Variants in PIK3C2B observed in about 807,000 individuals in gnomAD.
PIK3C2B encodes phosphatidylinositol 4-phosphate 3-kinase C2 domain-containing subunit beta.
PIK3C2B carries 83 observed loss-of-function variants against 184.3 expected under a neutral mutation model. The ratio of observed to expected loss-of-function variants is 0.45; its 90% confidence interval spans 0.38 to 0.54. The LOEUF (loss-of-function observed/expected upper bound fraction) is 0.54. Among genes scored for constraint, PIK3C2B ranks in the 20% least tolerant of loss-of-function variants. PIK3C2B has a pLI of 0.00. For missense variants in PIK3C2B, 1,736 were observed against 2,113.5 expected (o/e 0.82, Z 3.50); for synonymous variants, 779 against 837.6 (o/e 0.93, Z 1.21).
At chr1:204,452,541 G>A (rs1654462823) in intron 12 of PIK3C2B, among the ~76,000 whole-genome samples, 1 of 151,590 alleles carries the variant, frequency 6.6e-6, no homozygotes, top group Non-Finnish European at 1.5e-5. Context: ...AAAATCCCAA[G>A]GGAATGGTGG....
At chr1:204,450,585 T>C (rs577518404) in intron 12 of PIK3C2B, among the ~76,000 whole-genome samples, 2 of 152,140 alleles carry the variant, frequency 1.3e-5, no homozygotes, top group Non-Finnish European at 2.9e-5. Flanking sequence ...ACTGGGTTTT[T>C]CTCACCCCCA....
intron 31 of PIK3C2B, 56 bp downstream of exon 31, chr1:204,427,592 A>C: frequency 8.2e-7 from 1 of 1,212,864 alleles, no homozygotes; most frequent in Admixed American, 1.7e-5. Context: ...CTGCCCAAAA[A>C]AGTAGCTAAA....
In PIK3C2B at chr1:204,424,924, C is replaced by A. The variant is rs1674666952; in HGVS notation, c.4833G>T (p.Leu1611=). ...TCTCCTGAGCCAGGTCCAGCTCTCGCAGGCGGATGTTCACCTCACCGAGGA... is the reference window on the plus strand; with the variant it reads ...TCTCCTGAGCCAGGTCCAGCTCTCGAAGGCGGATGTTCACCTCACCGAGGA... The part of the protein sequence containing the change: ...NVLLGEVNIR[L]RELDLAQEKT... Residue 1611 remains leucine (L), a synonymous_variant, in exon 33 of 33, where the codon CTG becomes CTT. Coordinates refer to ENST00000684373, the MANE Select transcript of PIK3C2B (RefSeq NM_001377334.1). 1 of 1,614,120 alleles carries A rather than the reference C, an allele frequency of 6.2e-7. No individual in the cohort carries two copies. The highest frequency in any genetic ancestry group is 8.5e-7 in the Non-Finnish European group (1 of 1,180,052).
At chr1:204,473,730 T>C (rs1656479919) in intron 1 of PIK3C2B, among the ~76,000 whole-genome samples, 1 of 152,226 alleles carries the variant, frequency 6.6e-6, no homozygotes. Context: ...AACACCCACT[T>C]ATGCATACTT....
intron 21 of PIK3C2B, 73 bp from the exon 22 acceptor site, chr1:204,440,394 A>C (rs1366530030): frequency 6.8e-7 from 1 of 1,470,518 alleles, no homozygotes; most frequent in Non-Finnish European, 9.1e-7. Flanking sequence ...CAAGTGCTCA[A>C]CCTTGGCCCT....
chr1:204,447,689 C>G lies in PIK3C2B; in HGVS notation c.2347-111G>C. On this transcript the variant is annotated intron_variant, in intron 14 of 32. Coordinates refer to ENST00000684373, the MANE Select transcript of PIK3C2B (RefSeq NM_001377334.1). This position sits in a 1 kb window ranked among gnomAD's most constrained non-coding sequence, Gnocchi z 4.1. ...GCCTTGTCCCTCCCTCACTTTCCCT[C>G]AGGTTCTTTGTAAAATAGCCCTGTT... The G allele has an allele frequency of 1.4e-6, 1 of 734,954 alleles. No individual in the cohort carries two copies. The highest frequency in any genetic ancestry group is 1.7e-5 in the South Asian group (1 of 58,298). The allele number at this position is 734,954 out of a possible 1,614,324, so 45.5% of individuals were successfully genotyped here.
rs896902779 is a variant in PIK3C2B, at chr1:204,468,513, C to T, written c.933+357G>A. Among the ~76,000 whole-genome samples, 6 of 152,196 alleles carry T rather than the reference C, an allele frequency of 3.9e-5. 1 individual carries two copies. The South Asian group carries it at 6.2e-4, about 16-fold the overall frequency. ...CAGAGCAAGCGGAAGCAACTTGCTCCGGTCCAGAGGGCCATTCAGCCAGTC... is the reference window on the plus strand; with the variant it reads ...CAGAGCAAGCGGAAGCAACTTGCTCTGGTCCAGAGGGCCATTCAGCCAGTC... On this transcript the variant is annotated intron_variant, in intron 2 of 32. Transcript: ENST00000684373.
In PIK3C2B at chr1:204,458,011, T is replaced by C. The variant is rs61762596; in HGVS notation, c.1567-137A>G. On this transcript the variant is annotated intron_variant, in intron 8 of 32. Coordinates refer to ENST00000684373, the MANE Select transcript of PIK3C2B (RefSeq NM_001377334.1). The stretch of plus-strand genomic sequence containing the variant: ...ATGATCCTCAGGGGTAAATGTGCAA[T>C]ACATTTTATTTTCAAATATTCATCA... 2.2e-3 allele frequency: 1,532 copies of C among 693,450 alleles called. 17 individuals are homozygous for C. In the African/African-American group the frequency reaches 0.025, roughly 11 times the overall value. The allele number at this position is 693,450 out of a possible 1,614,324, so 43.0% of individuals were successfully genotyped here. A position where few individuals can be genotyped will look rare whatever the true frequency, so the allele number is the denominator to read the frequency against.
At position 204,485,809 on chromosome 1, in the gene PIK3C2B, G is replaced by A. The variant is rs572550333; in HGVS notation, c.-85+8547C>T. 3.3e-5 allele frequency among the ~76,000 whole-genome samples: 5 copies of A among 151,988 alleles called. No homozygotes were observed. The South Asian group carries it at 1.0e-3, about 32-fold the overall frequency. On this transcript the variant is annotated intron_variant, in intron 1 of 32. Transcript: ENST00000684373. ...GCCTAGGCTGATTGCAAACTCAAGCGATCTGCCTGCCCCGGCCTCCCAAAG... is the reference window on the plus strand; with the variant it reads ...GCCTAGGCTGATTGCAAACTCAAGCAATCTGCCTGCCCCGGCCTCCCAAAG...
At chr1:204,454,499 A>G in intron 12 of PIK3C2B, 170 bp downstream of exon 12, 1 of 597,938 alleles carries the variant, frequency 1.7e-6, no homozygotes. Context: ...AAAAAAAAAA[A>G]AGAGTCAGGG....
intron 5 of PIK3C2B, among the ~76,000 whole-genome samples, chr1:204,462,496 A>G (rs1655418015): frequency 6.6e-6 from 1 of 152,200 alleles, no homozygotes; most frequent in African/African-American, 2.4e-5. Flanking sequence ...CGTCAGCAGG[A>G]GCTCCAACTT....
intron 12 of PIK3C2B, among the ~76,000 whole-genome samples, chr1:204,450,452 C>A (rs1012440805): frequency 6.6e-6 from 1 of 152,098 alleles, no homozygotes. Context: ...ATCCCTCCCC[C>A]ACTTCTTGCT....
At chr1:204,442,760 C>T in intron 19 of PIK3C2B, 127 bp from the exon 20 acceptor site, 1 of 630,680 alleles carries the variant, frequency 1.6e-6, no homozygotes. Context: ...GTGTGGACAC[C>T]CTCCAGAAGA....
In PIK3C2B at chr1:204,442,606, C is replaced by T. The variant is rs114687015; in HGVS notation, c.3076G>A (p.Val1026Met). ...CCATTGAGGGCAAAGAACTGCTTCA[C>T]CTCCTCCAGGCCCGTGCGGAGGATT... ...QGILRTGLEE[V>M]KQFFALNGSC... is the part of the protein sequence containing the mutation. The change falls in exon 20 of 33, where the codon GTG becomes ATG. Residue 1026 changes from valine to methionine, a missense_variant. Coordinates refer to ENST00000684373, the MANE Select transcript of PIK3C2B (RefSeq NM_001377334.1). 1.8e-4 allele frequency: 279 copies of T among 1,554,054 alleles called. No homozygotes were observed. The African/African-American group carries it at 3.6e-3, about 20-fold the overall frequency.
At chr1:204,465,398 C>A in intron 2 of PIK3C2B, 79 bp from the exon 3 acceptor site, 1 of 840,044 alleles carries the variant, frequency 1.2e-6, no homozygotes, top group South Asian at 1.4e-5. Context: ...GACCTAAACT[C>A]AAACTCTAGA....
chr1:204,493,719 A>G (rs1658168282), intron 1 of PIK3C2B, among the ~76,000 whole-genome samples: 1 of 152,070 alleles, frequency 6.6e-6, no homozygotes, highest in South Asian at 2.1e-4. Context: ...CTCCAACATC[A>G]AAGTCACCGC....
At position 204,464,553 on chromosome 1, in the gene PIK3C2B, C is replaced by T; in HGVS notation, c.1086G>A (p.Trp362Ter). The part of the protein sequence containing the change: ...IQDYFLTGYV[W>*]SAVTPSPEHL... ...GCTCTGGGCTAGGGGTGACAGCACT[C>T]CAGACATAGCCAGTGAGGAAGTAGT... The change falls in exon 4 of 33, where the codon TGG becomes TGA. Residue 362 changes from tryptophan (W) to a stop codon, truncating the protein, a stop_gained. Coordinates refer to ENST00000684373, the MANE Select transcript of PIK3C2B (RefSeq NM_001377334.1). LOFTEE classifies it high-confidence loss of function. 1 of 1,614,068 alleles carries T rather than the reference C, an allele frequency of 6.2e-7. No homozygotes were observed. The highest frequency in any genetic ancestry group is 8.5e-7 in the Non-Finnish European group (1 of 1,179,942).
intron 5 of PIK3C2B, among the ~76,000 whole-genome samples, chr1:204,461,006 G>A (rs1307830775): frequency 6.6e-6 from 1 of 152,154 alleles, no homozygotes; most frequent in Non-Finnish European, 1.5e-5. Context: ...AGCAGTTGCT[G>A]AAGCCCTATC....
intron 29 of PIK3C2B, 26 bp downstream of exon 29, chr1:204,429,895 C>G (rs757052692): frequency 6.9e-7 from 1 of 1,446,394 alleles, no homozygotes; most frequent in Non-Finnish European, 9.7e-7. Flanking sequence ...GCCTGGACAG[C>G]CAGGAGGAGA....
Sources: gnomAD v4.1 joint callset for allele counts (sites outside exome capture counted in the v4.1 genomes callset) on GRCh38, gnomAD v4.1.1 for gene constraint, Gnocchi (gnomAD v3.1) non-coding constraint, MANE v1.5 for transcripts, NCBI Gene and HGNC (gene_info 2026-07-23, HGNC 2026-07-21) for gene names.